The following COBLL1 variants were observed in gnomAD, a reference collection of about 807,000 sequenced individuals.
COBLL1 encodes the protein cordon-bleu WH2 repeat protein like 1.
In COBLL1, 50 loss-of-function variants were observed where a neutral mutation model predicts 94.8. The observed-to-expected ratio is 0.53, with a 90% CI of 0.42 to 0.67. The LOEUF (loss-of-function observed/expected upper bound fraction) is 0.67, where lower values mean the gene tolerates loss of function less well. COBLL1 is among the 30% of genes least tolerant of loss of function. The pLI, the probability that COBLL1 is intolerant of heterozygous loss-of-function variation, is 0.00. For missense variants in COBLL1, 1,362 were observed against 1,348.7 expected (o/e 1.01, Z -0.15); for synonymous variants, 448 against 473.8 (o/e 0.95, Z 0.71).
intron 2 of COBLL1, among the ~76,000 whole-genome samples, chr2:164,817,618 T>G (rs1196800942): frequency 6.6e-6 from 1 of 152,108 alleles, no homozygotes; most frequent in Non-Finnish European, 1.5e-5. Context: ...CATTATATCC[T>G]TCACCATCAC....
At chr2:164,765,081 A>G (rs1266529788) in intron 2 of COBLL1, among the ~76,000 whole-genome samples, 1 of 152,184 alleles carries the variant, frequency 6.6e-6, no homozygotes, top group African/African-American at 2.4e-5. Context: ...ATGAACTCTA[A>G]GCCATGAGGT....
At chr2:164,692,435 A>G in intron 12 of COBLL1, 38 bp from the exon 13 acceptor site, 1 of 1,533,200 alleles carries the variant, frequency 6.5e-7, no homozygotes, top group Non-Finnish European at 8.8e-7. Context: ...ATGAATGCCA[A>G]GAAAAGAATG....
chr2:164,754,588 C>A (rs1008637956), intron 2 of COBLL1, among the ~76,000 whole-genome samples: 6 of 152,140 alleles, frequency 3.9e-5, no homozygotes, highest in African/African-American at 9.7e-5. Context: ...ACTCAACCAG[C>A]AAACTAGAGA....
chr2:164,726,299 G>C (rs1351251774), intron 5 of COBLL1, among the ~76,000 whole-genome samples: 1 of 152,012 alleles, frequency 6.6e-6, no homozygotes, highest in African/African-American at 2.4e-5. Context: ...AGAAGTAGAA[G>C]GTGAGATTTC....
At chr2:164,667,306 T>C (rs62173903) in intron 1 of COBLL1, among the ~76,000 whole-genome samples, 13,984 of 152,176 alleles carry the variant, frequency 0.092, 835 homozygotes, top group Non-Finnish European at 0.14. Context: ...ACAGTAGATA[T>C]AGCATAATTA....
At chr2:164,791,943 A>C (rs55820076) in intron 2 of COBLL1, among the ~76,000 whole-genome samples, 2,572 of 151,538 alleles carry the variant, frequency 0.017, 71 homozygotes, top group African/African-American at 0.059. Context: ...CTGATCATAC[A>C]CATTTGTATT....
At position 164,722,090 on chromosome 2, in the gene COBLL1, C is replaced by T; in HGVS notation, c.981G>A (p.Val327=). Reference sequence around the variant, plus strand: ...AACTACACACCTTATCTGTCTCATCCACGCTCATGGATTTCACTATACAAG... The same window carrying T: ...AACTACACACCTTATCTGTCTCATCTACGCTCATGGATTTCACTATACAAG... The part of the protein sequence containing the change: ...PASCIVKSMS[V]DETDKSPCEA... The change falls in exon 7 of 14, where the codon GTG becomes GTA. Residue 327 remains valine (V), a synonymous_variant. Coordinates refer to ENST00000652658, the MANE Select transcript of COBLL1 (RefSeq NM_001365672.2). 6.2e-7 allele frequency: 1 copy of T among 1,602,660 alleles called. No homozygotes were observed. The highest frequency in any genetic ancestry group is 8.5e-7 in the Non-Finnish European group (1 of 1,173,848).
intron 10 of COBLL1, 32 bp downstream of exon 10, chr2:164,700,490 G>A (rs1180773784): frequency 3.7e-6 from 5 of 1,355,378 alleles, no homozygotes; most frequent in Non-Finnish European, 5.2e-6. Context: ...TAAACTAACG[G>A]CCACCAACAC....
intron 5 of COBLL1, chr2:164,723,773 T>C (rs190050826): frequency 6.6e-6 from 1 of 152,280 alleles, no homozygotes; most frequent in Non-Finnish European, 1.5e-5. Flanking sequence ...TATACCTTTT[T>C]CTTTTCTTAT....
Position 164,743,747 on chromosome 2 carries a change from T to A in COBLL1, c.170A>T (p.Asp57Val), listed in dbSNP as rs1686715715. The change falls in exon 3 of 14, where the codon GAC becomes GTC. Residue 57 changes from aspartate to valine, a missense_variant. Physicochemically the swap from Asp to Val is radical, Grantham distance 152. Coordinates refer to ENST00000652658, the MANE Select transcript of COBLL1 (RefSeq NM_001365672.2). ...AGGTAGGACCACTGAGAGTTCAACG[T>A]CTTTATCTATCATGTTTTCTTTCTG... ...MEQKENMIDK[D>V]VELSVVLPGD... 1 of 1,613,648 alleles carries A rather than the reference T, an allele frequency of 6.2e-7. No homozygotes were observed. Among genetic ancestry groups the A allele is most frequent in the Non-Finnish European group, 8.5e-7 (1 of 1,179,750 alleles).
chr2:164,833,757 C>T (rs1683197575), intron 2 of COBLL1, among the ~76,000 whole-genome samples: 1 of 152,132 alleles, frequency 6.6e-6, no homozygotes, highest in Non-Finnish European at 1.5e-5. Context: ...GCCGACAATT[C>T]CAATTAAAGC....
intron 11 of COBLL1, among the ~76,000 whole-genome samples, chr2:164,699,049 G>A (rs1254827861): frequency 6.6e-6 from 1 of 150,868 alleles, no homozygotes; most frequent in Non-Finnish European, 1.5e-5. Flanking sequence ...TAGATACACA[G>A]AAGAAACATT....
intron 7 of COBLL1, among the ~76,000 whole-genome samples, chr2:164,707,142 CAA>C (rs1558939925): frequency 6.7e-6 from 1 of 148,800 alleles, no homozygotes; most frequent in African/African-American, 2.6e-5. Context: ...GGCCATTTCT[CAA>C]AAGTCATTTT....
intron 2 of COBLL1, among the ~76,000 whole-genome samples, chr2:164,659,291 T>C (rs1296390585): frequency 2.0e-5 from 3 of 152,188 alleles, no homozygotes; most frequent in East Asian, 3.8e-4. Flanking sequence ...AAGTCCTTTT[T>C]CTACAAAGGA....
At chr2:164,800,490 C>T (rs930539976) in intron 2 of COBLL1, 17 of 697,814 alleles carry the variant, frequency 2.4e-5, no homozygotes, top group Non-Finnish European at 3.7e-5. Flanking sequence ...GGTACAACTA[C>T]TCTAGACAAT....
At chr2:164,791,839 C>T (rs1013231614) in intron 2 of COBLL1, among the ~76,000 whole-genome samples, 1 of 151,434 alleles carries the variant, frequency 6.6e-6, no homozygotes, top group Admixed American at 6.6e-5. Flanking sequence ...AATTGCCAAC[C>T]TTTATATACG....
rs75062270 is a variant in COBLL1, at chr2:164,751,452, C to T, written c.42-7577G>A. Among the ~76,000 whole-genome samples the T allele has an allele frequency of 9.4e-3, 1,437 of 152,088 alleles. 23 individuals are homozygous for T. The highest frequency in any genetic ancestry group is 0.068 in the East Asian group (352 of 5,164). On this transcript the variant is annotated intron_variant, in intron 2 of 13. Transcript: ENST00000652658. Reference sequence around the variant, plus strand: ...TTAGTTTCATCAGTTCATAGGAGAGCAAAAACTTGGTGGGTTGCTGAGAGT... The same window carrying T: ...TTAGTTTCATCAGTTCATAGGAGAGTAAAAACTTGGTGGGTTGCTGAGAGT...
rs185533476 is a variant in COBLL1 at position 164,826,794 on chromosome 2, C to T, written c.41+14362G>A. On this transcript the variant is annotated intron_variant, in intron 2 of 13. Coordinates refer to ENST00000652658, the MANE Select transcript of COBLL1 (RefSeq NM_001365672.2). The stretch of plus-strand genomic sequence containing the variant: ...ATTGCATCAGACAACTGTAAGGCAG[C>T]CGGCAGAGTTAAATGTAGAGTATTA... Among the ~76,000 whole-genome samples the T allele has an allele frequency of 6.6e-4, 101 of 152,272 alleles. 1 individual carries two copies. The East Asian group carries it at 0.014, about 22-fold the overall frequency.
At chr2:164,816,222 G>A (rs758534025) in intron 2 of COBLL1, among the ~76,000 whole-genome samples, 7 of 152,066 alleles carry the variant, frequency 4.6e-5, no homozygotes, top group Non-Finnish European at 5.9e-5. Context: ...TCTGGGAAGT[G>A]AATTGAACCA....
Sources: allele counts gnomAD v4.1 joint callset (sites outside exome capture counted in the v4.1 genomes callset), GRCh38; gene constraint gnomAD v4.1.1; transcripts MANE v1.5; gene names NCBI Gene and HGNC (gene_info 2026-07-23, HGNC 2026-07-21).